ADGRV1: variants seen among roughly 807,000 people sequenced by gnomAD.
ADGRV1 encodes the protein adhesion G protein-coupled receptor V1.
Under a neutral mutation model 596.2 loss-of-function variants are expected in ADGRV1, and 359 were observed. The observed-to-expected ratio is 0.60, with a 90% confidence interval of 0.55 to 0.66. The LOEUF is 0.66. Ranked by LOEUF, ADGRV1 falls within the 30% of genes least tolerant of loss-of-function variation. The pLI is 0.00. For synonymous variants in ADGRV1, 2,681 were observed against 2,679.2 expected, an observed-to-expected ratio of 1.00 and a Z score of -0.02; for missense variants, 7,274 against 7,575.6, an observed-to-expected ratio of 0.96 and a Z score of 1.48.
At chr5:90,668,878 C>G (rs1772010149) in intron 21 of ADGRV1, among the ~76,000 whole-genome samples, 1 of 152,086 alleles carries the variant, frequency 6.6e-6, no homozygotes, top group East Asian at 1.9e-4. Flanking sequence ...TTCCCTGTGA[C>G]TTTTGCAAAC....
At chr5:91,133,502 C>A (rs1285285309) in intron 87 of ADGRV1, among the ~76,000 whole-genome samples, 2 of 152,216 alleles carry the variant, frequency 1.3e-5, no homozygotes, top group African/African-American at 4.8e-5. Context: ...GTGCTTCCAG[C>A]CACCTCACAT....
intron 58 of ADGRV1, 149 bp from the exon 59 acceptor site, chr5:90,763,155 TA>T (rs151260872): frequency 5.3e-5 from 35 of 666,642 alleles, no homozygotes; most frequent in South Asian, 2.9e-4. Flanking sequence ...TGGGATTTGG[TA>T]AAAAAAATTT....
Position 90,763,337 on chromosome 5 carries a change from C to A in ADGRV1, c.12153C>A (p.Asp4051Glu). 1 of 1,606,210 alleles carries A rather than the reference C, an allele frequency of 6.2e-7. No homozygotes were observed. Among genetic ancestry groups the A allele is most frequent in the Non-Finnish European group, 8.5e-7 (1 of 1,174,274 alleles). The change falls in exon 59 of 90, where the codon GAC becomes GAA. Residue 4051 changes from aspartate (D) to glutamate (E), a missense_variant. Around this residue, in one of 5 missense-constraint regions of ADGRV1, gnomAD observed 3,643 missense variants for 3,809.2 expected, o/e 0.96. Coordinates refer to ENST00000405460, the MANE Select transcript of ADGRV1 (RefSeq NM_032119.4). Reference sequence around the variant, plus strand: ...TTGATGAATCCCTTTCATCCGATGACCCTGATTCATATGTGACATTGACGG... The same window carrying A: ...TTGATGAATCCCTTTCATCCGATGAACCTGATTCATATGTGACATTGACGG... ...VMIDESLSSDDPDSYVTLTVV... is the reference protein window; with the variant it reads ...VMIDESLSSDEPDSYVTLTVV...
In ADGRV1 at chr5:90,975,758, C is replaced by T. The variant is rs537005599; in HGVS notation, c.17974-9586C>T. 6.6e-5 allele frequency among the ~76,000 whole-genome samples: 10 copies of T among 151,870 alleles called. No homozygotes were observed. The East Asian group carries it at 7.7e-4, about 12-fold the overall frequency. On this transcript the variant is annotated intron_variant, in intron 84 of 89. Transcript: ENST00000405460. Reference sequence around the variant, plus strand: ...TAGGAGATATACCTAATGTAAATGACGAGTTAATGGGTGCAGCACACCAAG... The same window carrying T: ...TAGGAGATATACCTAATGTAAATGATGAGTTAATGGGTGCAGCACACCAAG...
rs940430334 is a variant in ADGRV1, at chr5:90,811,465, G to A, written c.16078+127G>A. Reference sequence around the variant, plus strand: ...AAGTTATTCATAGGAATGCATTAAAGTGTTGTTTTTCTGTAGCATGGACCC... The same window carrying A: ...AAGTTATTCATAGGAATGCATTAAAATGTTGTTTTTCTGTAGCATGGACCC... On this transcript the variant is annotated intron_variant, in intron 74 of 89. Coordinates refer to ENST00000405460, the MANE Select transcript of ADGRV1 (RefSeq NM_032119.4). 6 of 909,004 alleles carry A rather than the reference G, an allele frequency of 6.6e-6. No individual in the cohort carries two copies. In the African/African-American group the frequency reaches 6.7e-5, roughly 10 times the overall value. 56.3% of individuals were successfully genotyped at this position (909,004 alleles called of 1,614,324 possible).
chr5:90,968,059 G>A (rs906081496), intron 84 of ADGRV1, among the ~76,000 whole-genome samples: 1 of 152,136 alleles, frequency 6.6e-6, no homozygotes, highest in Non-Finnish European at 1.5e-5. Flanking sequence ...AAGAAACTTT[G>A]AGGCAGCTGG....
intron 85 of ADGRV1, among the ~76,000 whole-genome samples, chr5:90,997,013 G>C (rs913277096): frequency 2.0e-5 from 3 of 151,990 alleles, no homozygotes; most frequent in African/African-American, 7.3e-5. Flanking sequence ...TTTTTATTTT[G>C]CAGGCTTATA....
chr5:90,669,025 G>A (rs564873726), intron 21 of ADGRV1, among the ~76,000 whole-genome samples: 60 of 152,066 alleles, frequency 3.9e-4, no homozygotes, highest in Non-Finnish European at 6.9e-4. Context: ...TGCTGAAAAG[G>A]GAAAAGATTT....
chr5:90,675,617 G>T (rs576678548), intron 24 of ADGRV1, among the ~76,000 whole-genome samples, 172 bp downstream of exon 24: 1 of 151,876 alleles, frequency 6.6e-6, no homozygotes, highest in African/African-American at 2.4e-5. Flanking sequence ...GGGCAACGTC[G>T]CAAGTCACTT....
In ADGRV1 at chr5:90,774,267, A is replaced by G. The variant is rs991182539; in HGVS notation, c.12367A>G (p.Ile4123Val). 1.2e-6 allele frequency: 2 copies of G among 1,601,896 alleles called. No homozygotes were observed. The highest frequency in any genetic ancestry group is 2.2e-5 in the South Asian group (2 of 90,818). The part of the protein sequence containing the change: ...EEDRRFTIQL[I>V]SIDEVEISPV... ...GGACAGGCGTTTCACCATTCAGCTG[A>G]TATCAATTGATGAGGTAGAAATATC... The change falls in exon 60 of 90, where the codon ATA becomes GTA. Residue 4123 changes from isoleucine to valine, a missense_variant. Coordinates refer to ENST00000405460, the MANE Select transcript of ADGRV1 (RefSeq NM_032119.4).
chr5:91,016,213 A>G (rs1783158791), intron 85 of ADGRV1, among the ~76,000 whole-genome samples: 1 of 152,012 alleles, frequency 6.6e-6, no homozygotes, highest in Non-Finnish European at 1.5e-5. Context: ...GGACCATGCC[A>G]TGCCTTAACA....
rs773654802 is a variant in ADGRV1 at position 90,829,162 on chromosome 5, G to C, written c.16587G>C (p.Met5529Ile). 1 of 1,566,842 alleles carries C rather than the reference G, an allele frequency of 6.4e-7. No homozygotes were observed. The highest frequency in any genetic ancestry group is 1.3e-5 in the African/African-American group (1 of 74,164). ...QVARDSGTGL[M>I]MSVNFSTQEL... is the part of the protein sequence containing the mutation. ...CCAGAGATTCTGGGACAGGACTAAT[G>C]ATGTCTGTTAACTTTAGTACCCAGG... is the stretch of plus-strand genomic sequence containing the variant. Residue 5529 changes from methionine (M) to isoleucine (I), a missense_variant, in exon 77 of 90, where the codon ATG (methionine) becomes ATC (isoleucine). Physicochemically the swap from Met to Ile is conservative, Grantham distance 10. Around this residue, in one of 5 missense-constraint regions of ADGRV1, gnomAD observed 1,874 missense variants for 1,970.2 expected, o/e 0.95. Coordinates refer to ENST00000405460, the MANE Select transcript of ADGRV1 (RefSeq NM_032119.4).
intron 5 of ADGRV1, among the ~76,000 whole-genome samples, chr5:90,623,803 G>T (rs1428653983): frequency 2.0e-5 from 3 of 152,130 alleles, no homozygotes; most frequent in Admixed American, 1.3e-4. Context: ...ACAGGATGTG[G>T]CATGAATATG....
At chr5:90,621,519 T>A (rs1056726197) in intron 4 of ADGRV1, among the ~76,000 whole-genome samples, 2 of 152,204 alleles carry the variant, frequency 1.3e-5, no homozygotes, top group Non-Finnish European at 2.9e-5. Flanking sequence ...CAGGCTCCCT[T>A]AATTGCTAAA....
At chr5:90,616,993 A>C (rs546038743) in intron 2 of ADGRV1, among the ~76,000 whole-genome samples, 6 of 152,310 alleles carry the variant, frequency 3.9e-5, no homozygotes, top group Admixed American at 3.9e-4. Flanking sequence ...AACATGAGAT[A>C]TCTATCTTTC....
intron 1 of ADGRV1, among the ~76,000 whole-genome samples, chr5:90,571,903 T>C (rs1253087839): frequency 6.6e-6 from 1 of 152,182 alleles, no homozygotes; most frequent in East Asian, 1.9e-4. Flanking sequence ...TAATAAATGC[T>C]CCTTGGAATC....
At chr5:91,099,233 C>G (rs1791150507) in intron 86 of ADGRV1, among the ~76,000 whole-genome samples, 1 of 151,948 alleles carries the variant, frequency 6.6e-6, no homozygotes, top group Non-Finnish European at 1.5e-5. Context: ...GGGCATATAT[C>G]AGCACGGTCC....
Position 90,728,930 on chromosome 5 carries a change from C to T in ADGRV1, c.10423C>T (p.Leu3475=). Reference sequence around the variant, plus strand: ...CCTAATATTTGCCGAAAATGTCTTTCTAGGTGAGAAGATAAAGTATTTGTA... The same window carrying T: ...CCTAATATTTGCCGAAAATGTCTTTTTAGGTGAGAAGATAAAGTATTTGTA... ...IYLIFAENVF[L]GDQNSIDIFI... The change falls in exon 49 of 90, where the codon CTA becomes TTA. Residue 3475 remains leucine, a synonymous_variant. Transcript: ENST00000405460. The T allele has an allele frequency of 6.2e-7, 1 of 1,600,876 alleles. No individual in the cohort carries two copies. Among genetic ancestry groups the T allele is most frequent in the Non-Finnish European group, 8.5e-7 (1 of 1,170,356 alleles).
At chr5:90,759,249 G>T (rs1756180314) in intron 57 of ADGRV1, among the ~76,000 whole-genome samples, 160 bp from the exon 58 acceptor site, 1 of 151,994 alleles carries the variant, frequency 6.6e-6, no homozygotes, top group African/African-American at 2.4e-5. Context: ...TACGCAAAAA[G>T]AACTACTTTT....
Sources: allele counts gnomAD v4.1 joint callset (sites outside exome capture counted in the v4.1 genomes callset), GRCh38; gene constraint gnomAD v4.1.1; regional missense constraint gnomAD v4.1.1; transcripts MANE v1.5; gene names NCBI Gene and HGNC (gene_info 2026-07-23, HGNC 2026-07-21).